Variants in CATSPERT observed in about 807,000 individuals in gnomAD.
The protein encoded by CATSPERT is catsper channel auxiliary subunit tau.
At chr2:201,592,461 G>A in the CATSPERT span, among the ~76,000 whole-genome samples, 1 of 148,756 alleles carries the variant, frequency 6.7e-6, no homozygotes, top group African/African-American at 2.5e-5. Context: ...TTGTGTCTCT[G>A]CCCGCCTTTG....
the CATSPERT span, among the ~76,000 whole-genome samples, chr2:201,499,723 A>G: frequency 3.3e-5 from 5 of 151,784 alleles, no homozygotes; most frequent in Non-Finnish European, 7.4e-5. Context: ...GGTCCCAGCT[A>G]CTCAGGAGGC....
chr2:201,571,157 TGAA>T, the CATSPERT span, among the ~76,000 whole-genome samples: 1 of 152,228 alleles, frequency 6.6e-6, no homozygotes, highest in African/African-American at 2.4e-5. Flanking sequence ...AATAAATGTA[TGAA>T]GAAGAAAGGT....
At chr2:201,585,756 T>C in the CATSPERT span, among the ~76,000 whole-genome samples, 1 of 152,158 alleles carries the variant, frequency 6.6e-6, no homozygotes, top group African/African-American at 2.4e-5. Flanking sequence ...TTGATAAGCA[T>C]ACATAATTTC....
At chr2:201,503,869 G>T in the CATSPERT span, among the ~76,000 whole-genome samples, 1 of 152,138 alleles carries the variant, frequency 6.6e-6, no homozygotes, top group Admixed American at 6.5e-5. Flanking sequence ...GTTGTCTAGA[G>T]AAACTTTTAG....
chr2:201,613,918 G>C, the CATSPERT span, among the ~76,000 whole-genome samples: 29 of 152,292 alleles, frequency 1.9e-4, no homozygotes, highest in Non-Finnish European at 3.2e-4. Flanking sequence ...GCATGCACAA[G>C]CTTCAGTAGC....
At chr2:201,504,104 C>T in the CATSPERT span, among the ~76,000 whole-genome samples, 1 of 152,166 alleles carries the variant, frequency 6.6e-6, no homozygotes, top group Non-Finnish European at 1.5e-5. Flanking sequence ...CCAAAGACTC[C>T]AGAGGAACTT....
chr2:201,597,204 A>T, the CATSPERT span, among the ~76,000 whole-genome samples: 1 of 152,084 alleles, frequency 6.6e-6, no homozygotes, highest in Non-Finnish European at 1.5e-5. Flanking sequence ...TGGGATCTCA[A>T]CAGAATTCTG....
At chr2:201,561,757 C>T in the CATSPERT span, among the ~76,000 whole-genome samples, 1 of 151,850 alleles carries the variant, frequency 6.6e-6, no homozygotes, top group African/African-American at 2.4e-5. Flanking sequence ...GCCTGTAGTC[C>T]CAGCTACTCG....
At chr2:201,492,417 A>G in the CATSPERT span, 1 of 1,532,650 alleles carries the variant, frequency 6.5e-7, no homozygotes, top group Non-Finnish European at 8.7e-7. Flanking sequence ...TTTCTGATAA[A>G]GCTATCAGAT....
the CATSPERT span, among the ~76,000 whole-genome samples, chr2:201,604,402 C>G: frequency 1.3e-5 from 2 of 152,158 alleles, no homozygotes; most frequent in African/African-American, 4.8e-5. Flanking sequence ...TCCGATATAA[C>G]TAGATTTGGG....
the CATSPERT span, among the ~76,000 whole-genome samples, chr2:201,562,722 C>A: frequency 7.4e-6 from 1 of 135,626 alleles, no homozygotes; most frequent in African/African-American, 2.7e-5. Context: ...TGACTCTTAA[C>A]GAGCATGCTG....
At chr2:201,496,910 C>G in the CATSPERT span, among the ~76,000 whole-genome samples, 1 of 152,150 alleles carries the variant, frequency 6.6e-6, no homozygotes, top group East Asian at 1.9e-4. Flanking sequence ...CTCAGTCCCC[C>G]ACACAATCCA....
the CATSPERT span, among the ~76,000 whole-genome samples, chr2:201,579,723 T>C: frequency 1.3e-5 from 2 of 152,110 alleles, no homozygotes; most frequent in Non-Finnish European, 2.9e-5. Flanking sequence ...GAATCTACAC[T>C]GGTATGTCCC....
chr2:201,560,049 T>A, the CATSPERT span, among the ~76,000 whole-genome samples: 2 of 152,184 alleles, frequency 1.3e-5, no homozygotes, highest in Non-Finnish European at 2.9e-5. Flanking sequence ...ATTCATGATT[T>A]AAATGATAAA....
the CATSPERT span, among the ~76,000 whole-genome samples, chr2:201,507,450 A>G: frequency 2.0e-5 from 3 of 152,358 alleles, no homozygotes; most frequent in East Asian, 5.8e-4. Context: ...TCTCAGAGTT[A>G]TAGAACTTGC....
chr2:201,591,583 C>T, the CATSPERT span, among the ~76,000 whole-genome samples: 4 of 152,046 alleles, frequency 2.6e-5, no homozygotes, highest in Non-Finnish European at 2.9e-5. Context: ...GGCAGTATGG[C>T]CATTTTCACG....
At chr2:201,612,553 G>A in the CATSPERT span, among the ~76,000 whole-genome samples, 1 of 144,762 alleles carries the variant, frequency 6.9e-6, no homozygotes, top group African/African-American at 2.6e-5. Context: ...TAGCCTGGGG[G>A]AGGGCGACAG....
chr2:201,572,153 G>A, the CATSPERT span: 2 of 564,142 alleles, frequency 3.5e-6, no homozygotes, highest in East Asian at 3.1e-5. Context: ...AATGAGACAT[G>A]TAAGGAAATA....
At chr2:201,597,487 G>A in the CATSPERT span, among the ~76,000 whole-genome samples, 1 of 152,040 alleles carries the variant, frequency 6.6e-6, no homozygotes, top group East Asian at 1.9e-4. Flanking sequence ...TGCCATCTCT[G>A]CTTTCTCTTC....
Sources: gnomAD v4.1 joint callset for allele counts (sites outside exome capture counted in the v4.1 genomes callset) on GRCh38, gnomAD v4.1.1 for gene constraint, MANE v1.5 for transcripts, NCBI Gene and HGNC (gene_info 2026-07-23, HGNC 2026-07-21) for gene names.